CDH12: variants seen among roughly 807,000 people sequenced by gnomAD.
CDH12 encodes cadherin 12, also known as cadherin-12.
In CDH12, 41 loss-of-function variants were observed where a neutral mutation model predicts 74.1. That is an observed-to-expected ratio of 0.55 (90% CI 0.43 to 0.72). The LOEUF (loss-of-function observed/expected upper bound fraction) is 0.72, where lower values mean the gene tolerates loss of function less well. CDH12 is among the 30% of genes least tolerant of loss of function. The probability of loss-of-function intolerance (pLI) is 0.00; values close to 1 mark genes in which losing one functional copy is unlikely to be tolerated. For synonymous variants in CDH12, 399 were observed against 355.0 expected (o/e 1.12, Z -1.39); for missense variants, 945 against 977.2 (o/e 0.97, Z 0.44).
intron 8 of CDH12, among the ~76,000 whole-genome samples, chr5:21,835,693 T>C (rs1307071729): frequency 2.0e-5 from 3 of 151,808 alleles, no homozygotes; most frequent in Non-Finnish European, 2.9e-5. Flanking sequence ...ATGTTTATTC[T>C]AAGAAAATAT....
At chr5:22,546,195 C>T (rs540908602) in intron 1 of CDH12, among the ~76,000 whole-genome samples, 5 of 152,088 alleles carry the variant, frequency 3.3e-5, no homozygotes, top group Non-Finnish European at 7.4e-5. Flanking sequence ...CCACCTGCCT[C>T]GGCCTCCCAA....
intron 4 of CDH12, among the ~76,000 whole-genome samples, chr5:22,079,833 C>T (rs554027641): frequency 2.0e-5 from 3 of 152,008 alleles, no homozygotes; most frequent in African/African-American, 7.2e-5. Flanking sequence ...ACAATCTTTG[C>T]CTCTCTAAAA....
chr5:22,239,201 ACT>A (rs1355775947), intron 3 of CDH12, among the ~76,000 whole-genome samples: 2 of 152,126 alleles, frequency 1.3e-5, no homozygotes, highest in Non-Finnish European at 2.9e-5. Flanking sequence ...TCTATAGCTT[ACT>A]CTCTGTTTCA....
chr5:22,139,173 A>C (rs1355390189), intron 4 of CDH12: 1 of 148,116 alleles, frequency 6.8e-6, no homozygotes, highest in African/African-American at 2.5e-5. Flanking sequence ...TAGTGATGAA[A>C]GTGGTCTTTA....
At chr5:21,869,926 C>A (rs910119575) in intron 6 of CDH12, among the ~76,000 whole-genome samples, 3 of 152,132 alleles carry the variant, frequency 2.0e-5, no homozygotes, top group Non-Finnish European at 2.9e-5. Flanking sequence ...TTCAATTGTA[C>A]TCCCATAATT....
intron 5 of CDH12, among the ~76,000 whole-genome samples, chr5:22,030,410 A>G (rs1580139206): frequency 6.6e-6 from 1 of 152,268 alleles, no homozygotes; most frequent in African/African-American, 2.4e-5. Context: ...CCTTTATCAG[A>G]GCTCTTGGGT....
intron 11 of CDH12, among the ~76,000 whole-genome samples, chr5:21,778,596 A>G (rs1287575261): frequency 6.6e-6 from 1 of 151,032 alleles, no homozygotes; most frequent in East Asian, 1.9e-4. Context: ...CACCCTCTGA[A>G]GTTTATATGA....
chr5:21,932,679 C>G (rs372295115), intron 6 of CDH12, among the ~76,000 whole-genome samples: 334 of 151,850 alleles, frequency 2.2e-3, no homozygotes, highest in Non-Finnish European at 3.5e-3. Context: ...GGCAGGTGGA[C>G]CATGAGGTTA....
intron 1 of CDH12, among the ~76,000 whole-genome samples, chr5:22,617,515 T>C (rs2126835099): frequency 6.6e-6 from 1 of 152,276 alleles, no homozygotes; most frequent in Non-Finnish European, 1.5e-5. Context: ...AAATGTTAAG[T>C]ATCTTTGGAT....
In CDH12 at chr5:22,391,496, T is replaced by C. The variant is rs558956893; in HGVS notation, c.-333+13761A>G. Among the ~76,000 whole-genome samples the C allele has an allele frequency of 2.9e-4, 44 of 151,912 alleles. No individual in the cohort carries two copies. The South Asian group carries it at 9.1e-3, about 32-fold the overall frequency. On this transcript the variant is annotated intron_variant, in intron 3 of 14. Coordinates refer to ENST00000382254, the MANE Select transcript of CDH12 (RefSeq NM_004061.5). ...TGCAACTACTTCCCTGACCATTACTTTTCCTTTTGCCCCACATAAATCAGA... is the reference window on the plus strand; with the variant it reads ...TGCAACTACTTCCCTGACCATTACTCTTCCTTTTGCCCCACATAAATCAGA...
intron 1 of CDH12, among the ~76,000 whole-genome samples, chr5:22,684,287 T>C (rs960097289): frequency 6.6e-6 from 1 of 152,206 alleles, no homozygotes; most frequent in Admixed American, 6.5e-5. Flanking sequence ...CCCTCAAGCA[T>C]TTATCCTTTG....
intron 1 of CDH12, among the ~76,000 whole-genome samples, chr5:22,666,492 G>T (rs1740631121): frequency 6.6e-6 from 1 of 151,582 alleles, no homozygotes; most frequent in Admixed American, 6.6e-5. Context: ...GGGTTTCACC[G>T]TGTTAGCCAG....
intron 2 of CDH12, among the ~76,000 whole-genome samples, chr5:22,499,342 G>T (rs1420977262): frequency 1.3e-5 from 2 of 152,140 alleles, no homozygotes; most frequent in Admixed American, 1.3e-4. Context: ...TTAGTTCAAA[G>T]ATAAAATGTA....
chr5:22,549,125 TG>T (rs1229359344), intron 1 of CDH12, among the ~76,000 whole-genome samples: 1 of 138,936 alleles, frequency 7.2e-6, no homozygotes, highest in Non-Finnish European at 1.5e-5. Flanking sequence ...TTTGTTTATT[TG>T]TTTTTTTTTT....
chr5:22,452,630 A>C (rs1023293572), intron 2 of CDH12, among the ~76,000 whole-genome samples: 10 of 151,892 alleles, frequency 6.6e-5, no homozygotes, highest in Non-Finnish European at 1.0e-4. Flanking sequence ...AGAAGAAAAC[A>C]TGGGAGAAAT....
At chr5:22,633,825 A>G (rs268987) in intron 1 of CDH12, among the ~76,000 whole-genome samples, 85,099 of 152,076 alleles carry the variant, frequency 0.56, 24,156 homozygotes, top group East Asian at 0.68. Flanking sequence ...AATTGCATGA[A>G]CCAATAGCTT....
intron 1 of CDH12, among the ~76,000 whole-genome samples, chr5:22,559,197 C>T (rs1333698953): frequency 6.6e-6 from 1 of 151,932 alleles, no homozygotes; most frequent in African/African-American, 2.4e-5. Flanking sequence ...CATAACACAA[C>T]ATGAAGGTCT....
At chr5:22,460,586 G>C (rs930579645) in intron 2 of CDH12, among the ~76,000 whole-genome samples, 2 of 151,982 alleles carry the variant, frequency 1.3e-5, no homozygotes, top group African/African-American at 2.4e-5. Flanking sequence ...TTATAGCAGA[G>C]ATGTTTAAGA....
chr5:22,671,090 C>A (rs1740876164), intron 1 of CDH12, among the ~76,000 whole-genome samples: 1 of 150,434 alleles, frequency 6.6e-6, no homozygotes, highest in African/African-American at 2.5e-5. Flanking sequence ...CAAATAATTT[C>A]TTTTTTATAA....
Sources: allele counts gnomAD v4.1 joint callset (sites outside exome capture counted in the v4.1 genomes callset), GRCh38; gene constraint gnomAD v4.1.1; transcripts MANE v1.5; gene names NCBI Gene and HGNC (gene_info 2026-07-23, HGNC 2026-07-21).